HAPLN1: variants seen among roughly 807,000 people sequenced by gnomAD.
The protein encoded by HAPLN1 is Cartilage link protein.
Under a neutral mutation model 36.5 loss-of-function variants are expected in HAPLN1, and 13 were observed. The observed-to-expected ratio is 0.36, with a 90% CI of 0.23 to 0.57. HAPLN1 has a LOEUF of 0.57. Among genes scored for constraint, HAPLN1 ranks in the 20% least tolerant of loss-of-function variants. HAPLN1 has a pLI of 0.83. For synonymous variants in HAPLN1, 202 were observed against 169.8 expected, an observed-to-expected ratio of 1.19 and a Z score of -1.48; for missense variants, 407 against 439.7, an observed-to-expected ratio of 0.93 and a Z score of 0.66.
At chr5:83,692,911 G>A (rs1168745029) in intron 1 of HAPLN1, among the ~76,000 whole-genome samples, 1 of 151,854 alleles carries the variant, frequency 6.6e-6, no homozygotes, top group African/African-American at 2.4e-5. Context: ...TACTTTACAT[G>A]AAGTATAGTA....
chr5:83,694,743 T>C (rs1035356458), intron 1 of HAPLN1, among the ~76,000 whole-genome samples: 2 of 152,094 alleles, frequency 1.3e-5, no homozygotes, highest in Non-Finnish European at 2.9e-5. Context: ...AAATTTTTAG[T>C]TTAAAAATTC....
intron 1 of HAPLN1, among the ~76,000 whole-genome samples, chr5:83,687,448 C>T (rs890057840): frequency 1.3e-5 from 2 of 152,182 alleles, no homozygotes; most frequent in Non-Finnish European, 2.9e-5. Context: ...ATGTTCAAAA[C>T]ATTCATTCAA....
chr5:83,699,827 G>T lies in HAPLN1; in HGVS notation c.-27+20962C>A, dbSNP rs557328561. On this transcript the variant is annotated intron_variant, in intron 1 of 4. Coordinates refer to ENST00000274341, the MANE Select transcript of HAPLN1 (RefSeq NM_001884.4). ...CCAATTATACTATTGATAACAATAG[G>T]AGCATGAAGCAAACAACACTTCTAT... 1.3e-3 allele frequency among the ~76,000 whole-genome samples: 198 copies of T among 152,276 alleles called. 1 individual carries two copies. The highest frequency in any genetic ancestry group is 4.3e-3 in the African/African-American group (177 of 41,550).
intron 2 of HAPLN1, among the ~76,000 whole-genome samples, chr5:83,656,224 A>T: frequency 6.8e-6 from 1 of 147,610 alleles, no homozygotes; most frequent in African/African-American, 2.5e-5. Flanking sequence ...GCTACTCGGG[A>T]GGCTGAAGCA....
At chr5:83,658,162 C>T (rs1241504032) in intron 2 of HAPLN1, among the ~76,000 whole-genome samples, 1 of 152,046 alleles carries the variant, frequency 6.6e-6, no homozygotes, top group Non-Finnish European at 1.5e-5. Context: ...TATTTTGTGA[C>T]ATTTGTTAAC....
chr5:83,673,724 C>T (rs1435221815), intron 1 of HAPLN1, 175 bp from the exon 2 acceptor site: 3 of 529,142 alleles, frequency 5.7e-6, no homozygotes, highest in Non-Finnish European at 9.9e-6. Context: ...CAGCTTTGAA[C>T]AATTCCTGCT....
At chr5:83,714,559 T>G in intron 1 of HAPLN1, among the ~76,000 whole-genome samples, 1 of 137,506 alleles carries the variant, frequency 7.3e-6, no homozygotes, top group Non-Finnish European at 1.6e-5. Context: ...CTGAAATGTC[T>G]CTGAAACCAA....
chr5:83,708,462 A>T (rs1402134139), intron 1 of HAPLN1, among the ~76,000 whole-genome samples: 1 of 152,160 alleles, frequency 6.6e-6, no homozygotes, highest in Non-Finnish European at 1.5e-5. Context: ...AACACAGGAA[A>T]AGAAAACCAA....
At position 83,639,340 on chromosome 5, in the gene HAPLN1, G is replaced by A. The variant is rs1253268529; in HGVS notation, c.*2156C>T. The A allele has an allele frequency of 6.6e-6, 1 of 152,000 alleles. No individual in the cohort carries two copies. Among genetic ancestry groups the A allele is most frequent in the East Asian group, 1.9e-4 (1 of 5,194 alleles). The allele number at this position is 152,000 out of a possible 1,614,324, so 9.4% of individuals were successfully genotyped here. A position where few individuals can be genotyped will look rare whatever the true frequency, so the allele number is the denominator to read the frequency against. On this transcript the variant is annotated 3_prime_UTR_variant, in exon 5 of 5. Transcript: ENST00000274341. ...TGGTATAGATTTTAATCAGCTAACA[G>A]TCACTCCAGAGATTTTGATCAGCAC...
At chr5:83,643,739 A>G (rs1749772098) in intron 4 of HAPLN1, among the ~76,000 whole-genome samples, 1 of 152,202 alleles carries the variant, frequency 6.6e-6, no homozygotes, top group African/African-American at 2.4e-5. Flanking sequence ...GGCGTGAGCC[A>G]CAGCACCCAG....
chr5:83,649,592 G>A (rs1437988090), intron 3 of HAPLN1, among the ~76,000 whole-genome samples: 1 of 152,134 alleles, frequency 6.6e-6, no homozygotes. Context: ...GGGATTACAG[G>A]CACGTACCAC....
intron 1 of HAPLN1, among the ~76,000 whole-genome samples, chr5:83,718,464 GATGCATT>G (rs1263156430): frequency 2.0e-5 from 3 of 152,182 alleles, no homozygotes. Flanking sequence ...TAAATAAAGA[GATGCATT>G]ATTAATTTAT....
chr5:83,693,846 A>C (rs1475762694), intron 1 of HAPLN1, among the ~76,000 whole-genome samples: 2 of 151,934 alleles, frequency 1.3e-5, no homozygotes, highest in Admixed American at 1.3e-4. Context: ...AATGATATAG[A>C]ATTGTAAAAT....
intron 1 of HAPLN1, among the ~76,000 whole-genome samples, chr5:83,676,193 TATACAGAGATAC>T (rs1364139331): frequency 0.25 from 27,610 of 108,900 alleles, 3,197 homozygotes; most frequent in Admixed American, 0.36. Context: ...TACGCACACA[TATACAGAGATAC>T]GCACACATAC....
At chr5:83,712,449 T>C (rs1751812214) in intron 1 of HAPLN1, among the ~76,000 whole-genome samples, 1 of 152,164 alleles carries the variant, frequency 6.6e-6, no homozygotes, top group Non-Finnish European at 1.5e-5. Flanking sequence ...TATACATTGA[T>C]GGCATTCTCA....
intron 1 of HAPLN1, among the ~76,000 whole-genome samples, chr5:83,697,154 G>A (rs867679961): frequency 4.6e-5 from 7 of 151,960 alleles, no homozygotes; most frequent in Admixed American, 1.3e-4. Context: ...TGACTTCAAT[G>A]AATTTAATGA....
intron 2 of HAPLN1, among the ~76,000 whole-genome samples, chr5:83,663,799 CTT>C (rs71605866): frequency 1.1e-4 from 14 of 121,866 alleles, no homozygotes; most frequent in Middle Eastern, 5.0e-3. Flanking sequence ...TCTTCCTTCA[CTT>C]TTTTTTTTTT....
At chr5:83,704,100 A>G (rs1407466885) in intron 1 of HAPLN1, among the ~76,000 whole-genome samples, 2 of 109,884 alleles carry the variant, frequency 1.8e-5, no homozygotes, top group African/African-American at 7.0e-5. Context: ...CCTATATGCA[A>G]CAGTCTCAAA....
chr5:83,719,652 A>G (rs1457975998), intron 1 of HAPLN1, among the ~76,000 whole-genome samples: 2 of 152,194 alleles, frequency 1.3e-5, no homozygotes, highest in African/African-American at 2.4e-5. Context: ...TTCTCCAAAG[A>G]TAACTACTAT....
Sources: allele counts gnomAD v4.1 joint callset (sites outside exome capture counted in the v4.1 genomes callset), GRCh38; gene constraint gnomAD v4.1.1; transcripts MANE v1.5; gene names NCBI Gene and HGNC (gene_info 2026-07-23, HGNC 2026-07-21).